Variants in CFAP54 observed in about 807,000 individuals in gnomAD.
CFAP54 encodes the protein cilia and flagella associated protein 54.
A neutral mutation model predicts 370.4 loss-of-function variants in CFAP54; 290 were observed. The ratio of observed to expected loss-of-function variants is 0.78; its 90% CI spans 0.71 to 0.86. CFAP54 has a LOEUF of 0.86. Ranked by LOEUF, CFAP54 falls within the 40% of genes least tolerant of loss-of-function variation. The pLI, the probability that CFAP54 is intolerant of heterozygous loss-of-function variation, is 0.00. For missense variants in CFAP54, 3,399 were observed against 3,528.7 expected, an observed-to-expected ratio of 0.96 and a Z score of 0.93; for synonymous variants, 1,206 against 1,236.5, an observed-to-expected ratio of 0.98 and a Z score of 0.52.
intron 43 of CFAP54, among the ~76,000 whole-genome samples, chr12:96,689,188 TCTCAC>T (rs1592709837): frequency 1.3e-5 from 2 of 151,548 alleles, no homozygotes; most frequent in East Asian, 3.9e-4. Flanking sequence ...TGAGACGGAG[TCTCAC>T]TCTGTCAGCC....
chr12:96,582,215 G>T (rs944963381), intron 22 of CFAP54, among the ~76,000 whole-genome samples: 2 of 152,166 alleles, frequency 1.3e-5, no homozygotes, highest in African/African-American at 4.8e-5. Context: ...TGAATAAATA[G>T]TATTGTTTTT....
chr12:96,744,968 T>G (rs1475439856), intron 55 of CFAP54, among the ~76,000 whole-genome samples: 1 of 152,184 alleles, frequency 6.6e-6, no homozygotes, highest in Non-Finnish European at 1.5e-5. Context: ...TCTGTTCTTG[T>G]GTTAGTTTGC....
intron 66 of CFAP54, among the ~76,000 whole-genome samples, chr12:96,840,828 A>T (rs932443735): frequency 2.0e-5 from 3 of 152,098 alleles, no homozygotes; most frequent in African/African-American, 7.2e-5. Context: ...ACTACTTTTA[A>T]AACACAGCAC....
intron 1 of CFAP54, among the ~76,000 whole-genome samples, chr12:96,498,355 C>A (rs905473999): frequency 5.3e-5 from 8 of 152,174 alleles, no homozygotes; most frequent in African/African-American, 1.7e-4. Context: ...ATGTAAAATG[C>A]AGTATTATGA....
chr12:96,826,837 C>G (rs1342629024), intron 65 of CFAP54, among the ~76,000 whole-genome samples: 1 of 107,494 alleles, frequency 9.3e-6, no homozygotes, highest in Non-Finnish European at 1.7e-5. Context: ...TATAATATAT[C>G]ATATAATATT....
Position 96,489,937 on chromosome 12 carries a change from G to T in CFAP54, c.317+11G>T. On this transcript the variant is annotated intron_variant, in intron 1 of 67. Coordinates refer to ENST00000524981, the MANE Select transcript of CFAP54 (RefSeq NM_001306084.2). ...ATTCCGCCGGCGTTGGTAAGCGCTG[G>T]CGGGGCACTGGGGAGGGCGCCGGCC... 6.5e-7 allele frequency: 1 copy of T among 1,528,532 alleles called. No individual in the cohort carries two copies. Among genetic ancestry groups the T allele is most frequent in the Non-Finnish European group, 8.8e-7 (1 of 1,142,016 alleles). The allele number at this position is 1,528,532 out of a possible 1,614,324, so 94.7% of individuals were successfully genotyped here. A position where few individuals can be genotyped will look rare whatever the true frequency, so the allele number is the denominator to read the frequency against.
intron 38 of CFAP54, among the ~76,000 whole-genome samples, chr12:96,663,209 C>CTTTTAAT (rs756487127): frequency 3.9e-5 from 6 of 152,140 alleles, no homozygotes; most frequent in Non-Finnish European, 8.8e-5. Context: ...TCACAAGGGA[C>CTTTTAAT]AATAAAGAAG....
At chr12:96,616,152 G>A (rs1022642565) in intron 26 of CFAP54, among the ~76,000 whole-genome samples, 1 of 152,204 alleles carries the variant, frequency 6.6e-6, no homozygotes. Context: ...AGAAAATGTG[G>A]CACATATATA....
At chr12:96,501,207 G>T (rs536192418) in intron 2 of CFAP54, 1 of 295,312 alleles carries the variant, frequency 3.4e-6, no homozygotes, top group Non-Finnish European at 6.4e-6. Context: ...TTAACAGAGG[G>T]TGTGGTAGGC....
intron 34 of CFAP54, among the ~76,000 whole-genome samples, chr12:96,648,488 C>G (rs1009817025): frequency 1.3e-5 from 2 of 151,688 alleles, no homozygotes; most frequent in Non-Finnish European, 2.9e-5. Flanking sequence ...CAGCATCTTC[C>G]AAGAAAGCTC....
rs143530976 is a variant in CFAP54 at position 96,704,765 on chromosome 12, G to A, written c.6497G>A (p.Gly2166Glu). The A allele has an allele frequency of 6.0e-5, 74 of 1,235,164 alleles. No individual in the cohort carries two copies. In the African/African-American group the frequency reaches 1.1e-3, roughly 18 times the overall value. 76.5% of individuals were successfully genotyped at this position (1,235,164 alleles called of 1,614,324 possible). ...CAGATCTTTCAATCATTTGACTCAG[G>A]AAAACTTCTTACCAGTAAAGAAAAT... Reference protein sequence around the residue: ...KMKIFQSFDSGKLLTSKENIQ... With the variant: ...KMKIFQSFDSEKLLTSKENIQ... Residue 2166 changes from glycine to glutamate, a missense_variant, in exon 47 of 68, where the codon GGA becomes GAA. By Grantham distance (98) the Gly-to-Glu change is moderately conservative (BLOSUM62 -2). Transcript: ENST00000524981.
chr12:96,503,138 CCT>C (rs1955050725), intron 2 of CFAP54, among the ~76,000 whole-genome samples: 1 of 146,036 alleles, frequency 6.8e-6, no homozygotes, highest in African/African-American at 2.5e-5. Flanking sequence ...TTCTCTCTCT[CCT>C]CTTTCTTTCT....
intron 63 of CFAP54, among the ~76,000 whole-genome samples, chr12:96,804,059 T>G (rs1440368561): frequency 6.6e-6 from 1 of 152,042 alleles, no homozygotes; most frequent in African/African-American, 2.4e-5. Context: ...AAAAAGAATT[T>G]CTGAACTAAA....
At chr12:96,833,412 G>A (rs567092791) in intron 66 of CFAP54, among the ~76,000 whole-genome samples, 2 of 152,298 alleles carry the variant, frequency 1.3e-5, no homozygotes, top group South Asian at 4.1e-4. Flanking sequence ...TGCAAAGGCA[G>A]TGTAGATTAA....
At chr12:96,505,370 TCTA>T (rs1462239613) in intron 3 of CFAP54, among the ~76,000 whole-genome samples, 1 of 152,100 alleles carries the variant, frequency 6.6e-6, no homozygotes, top group Non-Finnish European at 1.5e-5. Context: ...CCAATTAATT[TCTA>T]AAGTAGAAAC....
intron 27 of CFAP54, 46 bp downstream of exon 27, chr12:96,621,767 T>C: frequency 2.1e-6 from 3 of 1,446,788 alleles, no homozygotes; most frequent in Non-Finnish European, 2.8e-6. Context: ...TTAGTTTGCA[T>C]CTTTTAGGGG....
intron 26 of CFAP54, among the ~76,000 whole-genome samples, chr12:96,615,132 CA>C (rs1191934624): frequency 6.6e-6 from 1 of 152,168 alleles, no homozygotes; most frequent in African/African-American, 2.4e-5. Context: ...CTACAGTAAC[CA>C]AAACAGCATG....
chr12:96,723,209 T>G (rs1957780188), intron 50 of CFAP54, among the ~76,000 whole-genome samples: 1 of 152,160 alleles, frequency 6.6e-6, no homozygotes. Context: ...AATACAAATT[T>G]AAAAGTACAG....
intron 65 of CFAP54, among the ~76,000 whole-genome samples, chr12:96,825,294 A>AATATATTAT (rs1959076309): frequency 2.3e-5 from 3 of 129,024 alleles, no homozygotes; most frequent in Non-Finnish European, 4.7e-5. Context: ...TATATAATAT[A>AATATATTAT]ATATATTATA....
Sources: gnomAD v4.1 joint callset for allele counts (sites outside exome capture counted in the v4.1 genomes callset) on GRCh38, gnomAD v4.1.1 for gene constraint, MANE v1.5 for transcripts, NCBI Gene and HGNC (gene_info 2026-07-23, HGNC 2026-07-21) for gene names.